HDAC9: variants seen among roughly 807,000 people sequenced by gnomAD.
HDAC9 encodes histone deacetylase 9.
HDAC9 carries 41 observed loss-of-function variants against 139.4 expected under a neutral mutation model. That is an observed-to-expected ratio of 0.29 (90% CI 0.23 to 0.38). The LOEUF (loss-of-function observed/expected upper bound fraction) is 0.38, where lower values mean the gene tolerates loss of function less well. Among genes scored for constraint, HDAC9 ranks in the 10% least tolerant of loss-of-function variants. The probability of loss-of-function intolerance (pLI) is 1.00; values close to 1 mark genes in which losing one functional copy is unlikely to be tolerated. For synonymous variants in HDAC9, 517 were observed against 476.2 expected (o/e 1.09, Z -1.12); for missense variants, 1,147 against 1,297.0 (o/e 0.88, Z 1.78).
At chr7:18,690,941 G>A (rs1782630467) in intron 12 of HDAC9, among the ~76,000 whole-genome samples, 1 of 151,868 alleles carries the variant, frequency 6.6e-6, no homozygotes, top group Non-Finnish European at 1.5e-5. Context: ...TGCGATTATA[G>A]TTTTCCACTA....
At chr7:18,327,264 A>G (rs889126565) in intron 1 of HDAC9, among the ~76,000 whole-genome samples, 11 of 151,944 alleles carry the variant, frequency 7.2e-5, no homozygotes, top group African/African-American at 2.4e-4. Context: ...GTTACCTACT[A>G]TAGATTATAT....
At chr7:18,793,830 C>T (rs997286033) in intron 17 of HDAC9, among the ~76,000 whole-genome samples, 2 of 151,996 alleles carry the variant, frequency 1.3e-5, no homozygotes, top group Non-Finnish European at 2.9e-5. Context: ...TGTATAAGCT[C>T]AGAATACCAC....
At chr7:18,202,894 C>T (rs1452104612) in intron 2 of HDAC9, among the ~76,000 whole-genome samples, 1 of 152,170 alleles carries the variant, frequency 6.6e-6, no homozygotes, top group African/African-American at 2.4e-5. Context: ...GCTCTTCATT[C>T]CTTTGTTTCA....
At chr7:18,540,936 G>A (rs1812607423) in intron 2 of HDAC9, among the ~76,000 whole-genome samples, 1 of 152,006 alleles carries the variant, frequency 6.6e-6, no homozygotes, top group Non-Finnish European at 1.5e-5. Flanking sequence ...TATTTCCCCT[G>A]TTTTATAGAT....
Position 18,584,479 on chromosome 7 carries a change from T to A in HDAC9, c.23-802T>A, listed in dbSNP as rs1409946733. On this transcript the variant is annotated intron_variant, in intron 2 of 25. Coordinates refer to ENST00000686413, the MANE Select transcript of HDAC9 (RefSeq NM_178425.4). ...GAGTTTTTGCTAAGAATTTTATATC[T>A]ATTATCTAATTTAATTTGTATAAAT... is the stretch of plus-strand genomic sequence containing the variant. Among the ~76,000 whole-genome samples the A allele has an allele frequency of 2.6e-5, 4 of 152,182 alleles. No homozygotes were observed. In the East Asian group the frequency reaches 7.7e-4, roughly 29 times the overall value.
chr7:18,633,917 A>G (rs762830298), intron 7 of HDAC9, among the ~76,000 whole-genome samples: 1 of 152,146 alleles, frequency 6.6e-6, no homozygotes, highest in Non-Finnish European at 1.5e-5. Context: ...GGTTAAATAA[A>G]GAATCTGTCT....
chr7:18,727,494 GAACTT>G, intron 12 of HDAC9, 81 bp from the exon 13 acceptor site: 1 of 1,111,012 alleles, frequency 9.0e-7, no homozygotes. Context: ...CTGACCTGAT[GAACTT>G]AATTTGTTGA....
intron 22 of HDAC9, among the ~76,000 whole-genome samples, chr7:18,875,083 A>T (rs1799219472): frequency 6.6e-6 from 1 of 152,070 alleles, no homozygotes; most frequent in South Asian, 2.1e-4. Flanking sequence ...AACCCTCATA[A>T]TCTCTACTCG....
chr7:18,906,011 T>C (rs1802222571), intron 22 of HDAC9, among the ~76,000 whole-genome samples: 1 of 151,706 alleles, frequency 6.6e-6, no homozygotes, highest in South Asian at 2.1e-4. Context: ...CTTTATTTTT[T>C]CTTTCTTTTT....
chr7:18,116,401 A>G (rs1783985559), intron 1 of HDAC9, among the ~76,000 whole-genome samples: 1 of 152,194 alleles, frequency 6.6e-6, no homozygotes, highest in Non-Finnish European at 1.5e-5. Context: ...CTTTGATTAA[A>G]TGATATTAAT....
At chr7:18,129,418 A>G (rs1307406237) in intron 1 of HDAC9, among the ~76,000 whole-genome samples, 1 of 152,106 alleles carries the variant, frequency 6.6e-6, no homozygotes, top group Non-Finnish European at 1.5e-5. Context: ...GTTTTAATTA[A>G]TAAGCCTATA....
chr7:18,594,154 C>T lies in HDAC9; in HGVS notation c.664+125C>T, dbSNP rs544477787. The T allele has an allele frequency of 4.9e-4, 427 of 879,124 alleles. 7 individuals carry two copies. In the South Asian group the frequency reaches 6.8e-3, roughly 14 times the overall value. The allele number at this position is 879,124 out of a possible 1,614,324, so 54.5% of individuals were successfully genotyped here. The stretch of plus-strand genomic sequence containing the variant: ...AGATAATATACCTCCCCACCCCTGC[C>T]CCCAGCATAAGCAAACAATGCACAC... On this transcript the variant is annotated intron_variant, in intron 6 of 25. Transcript: ENST00000686413.
chr7:18,968,642 G>A (rs899031508), intron 24 of HDAC9, among the ~76,000 whole-genome samples: 8 of 152,096 alleles, frequency 5.3e-5, no homozygotes, highest in African/African-American at 1.9e-4. Flanking sequence ...TTACTGAGTT[G>A]AGAATAAAGC....
chr7:18,635,124 C>T (rs150630980), intron 8 of HDAC9, among the ~76,000 whole-genome samples: 1 of 151,802 alleles, frequency 6.6e-6, no homozygotes, highest in South Asian at 2.1e-4. Context: ...TCCGTGCACA[C>T]TGCCTGACAA....
chr7:18,901,253 T>C (rs1357074562), intron 22 of HDAC9, among the ~76,000 whole-genome samples: 1 of 146,866 alleles, frequency 6.8e-6, no homozygotes, highest in African/African-American at 2.5e-5. Flanking sequence ...CACACATATA[T>C]ACATATACAT....
intron 2 of HDAC9, among the ~76,000 whole-genome samples, chr7:18,199,512 G>T (rs751159202): frequency 2.0e-5 from 3 of 152,218 alleles, no homozygotes; most frequent in Non-Finnish European, 4.4e-5. Flanking sequence ...TAGGGTGGGT[G>T]TAGTGGCTCA....
Position 18,707,694 on chromosome 7 carries a change from T to A in HDAC9, c.1732-19886T>A, listed in dbSNP as rs1188729889. Among the ~76,000 whole-genome samples, 81 of 152,118 alleles carry A rather than the reference T, an allele frequency of 5.3e-4. 2 individuals are homozygous for A. Among genetic ancestry groups the A allele is most frequent in the Admixed American group, 5.3e-3 (81 of 15,266 alleles). ...ATTCATGCATGGTGGATATGGGCAA[T>A]TATTATTTTCCTCTTTGTAAATTAA... On this transcript the variant is annotated intron_variant, in intron 12 of 25. Transcript: ENST00000686413.
intron 1 of HDAC9, among the ~76,000 whole-genome samples, chr7:18,143,520 A>G (rs1786063303): frequency 6.6e-6 from 1 of 152,182 alleles, no homozygotes; most frequent in Non-Finnish European, 1.5e-5. Context: ...GCAATGTAAT[A>G]AATTCATAGA....
chr7:18,152,608 C>G (rs1236825830), intron 1 of HDAC9, among the ~76,000 whole-genome samples: 1 of 152,132 alleles, frequency 6.6e-6, no homozygotes, highest in South Asian at 2.1e-4. Context: ...CTGAGGGGTT[C>G]TTGGACTGTA....
Sources: allele counts gnomAD v4.1 joint callset (sites outside exome capture counted in the v4.1 genomes callset), GRCh38; gene constraint gnomAD v4.1.1; transcripts MANE v1.5; gene names NCBI Gene and HGNC (gene_info 2026-07-23, HGNC 2026-07-21).